Variants in ZNF267 observed in about 807,000 individuals in gnomAD.
The protein encoded by ZNF267 is zinc finger protein 267, also known as zinc finger (C2H2).
Under a neutral mutation model 71.6 loss-of-function variants are expected in ZNF267, and 61 were observed. The ratio of observed to expected loss-of-function variants is 0.85; its 90% CI spans 0.69 to 1.05. ZNF267 has a LOEUF of 1.05. Ranked by LOEUF, ZNF267 falls within the 50% of genes least tolerant of loss-of-function variation. ZNF267 has a pLI of 0.00. For synonymous variants in ZNF267, 288 were observed against 293.2 expected (o/e 0.98, Z 0.18); for missense variants, 852 against 870.0 (o/e 0.98, Z 0.26).
In ZNF267 at chr16:31,914,698, A is replaced by C; in HGVS notation, c.449A>C (p.Gln150Pro). 1 of 1,614,162 alleles carries C rather than the reference A, an allele frequency of 6.2e-7. No individual in the cohort carries two copies. The highest frequency in any genetic ancestry group is 1.1e-5 in the South Asian group (1 of 91,092). The change falls in exon 4 of 4, where the codon CAG (glutamine) becomes CCG (proline). Residue 150 changes from glutamine (Q) to proline (P), a missense_variant. By Grantham distance (76) the Gln-to-Pro change is moderately conservative (BLOSUM62 -1). Coordinates refer to ENST00000300870, the MANE Select transcript of ZNF267 (RefSeq NM_003414.6). ...TCCTCTGTTGAAAGTTTGTTTCACC[A>C]GCAAATACTTTCTTCTTGTGCCAAA... ...DESSVESLFH[Q>P]QILSSCAKSY...
At chr16:31,878,679 A>T (rs1017765879) in intron 1 of ZNF267, among the ~76,000 whole-genome samples, 1 of 152,200 alleles carries the variant, frequency 6.6e-6, no homozygotes, top group Non-Finnish European at 1.5e-5. Context: ...AGCACAAACC[A>T]GTCCTTCCAC....
chr16:31,912,017 T>C lies in ZNF267; in HGVS notation c.227-2459T>C, dbSNP rs1308269244. The C allele has an allele frequency of 3.3e-5, 5 of 151,734 alleles. 1 individual carries two copies. The highest frequency in any genetic ancestry group is 1.2e-4 in the African/African-American group (5 of 41,024). 9.4% of individuals were successfully genotyped at this position (151,734 alleles called of 1,614,324 possible). A position where few individuals can be genotyped will look rare whatever the true frequency, so the allele number is the denominator to read the frequency against. ...GTTCTCTTTATGTCTTATTGTACTG[T>C]CTTTGTCTTGAAACATTGTTGTAGT... On this transcript the variant is annotated intron_variant, in intron 3 of 3. Coordinates refer to ENST00000300870, the MANE Select transcript of ZNF267 (RefSeq NM_003414.6).
At chr16:31,895,533 G>A (rs1185024725) in intron 3 of ZNF267, among the ~76,000 whole-genome samples, 15 of 152,116 alleles carry the variant, frequency 9.9e-5, no homozygotes, top group Admixed American at 9.8e-4. Context: ...ATGATTTTTT[G>A]AGGAATCTTC....
Position 31,915,636 on chromosome 16 carries a change from C to T in ZNF267, c.1387C>T (p.Leu463Phe), listed in dbSNP as rs1183950587. The part of the protein sequence containing the change: ...QHQTTHTGEK[L>F]YKCKVCSKSY... ...TCAGACAACTCATACAGGAGAAAAA[C>T]TTTACAAATGTAAAGTATGTAGCAA... The change falls in exon 4 of 4, where the codon CTT (leucine) becomes TTT (phenylalanine). Residue 463 changes from leucine to phenylalanine, a missense_variant. By Grantham distance (22) the Leu-to-Phe change is conservative (BLOSUM62 0). Transcript: ENST00000300870. The T allele has an allele frequency of 1.9e-6, 3 of 1,613,870 alleles. No individual in the cohort carries two copies. The highest frequency in any genetic ancestry group is 1.7e-6 in the Non-Finnish European group (2 of 1,179,976).
intron 3 of ZNF267, among the ~76,000 whole-genome samples, chr16:31,895,270 A>G (rs1266717532): frequency 6.6e-6 from 1 of 152,222 alleles, no homozygotes; most frequent in African/African-American, 2.4e-5. Context: ...CTCCAAGTCC[A>G]TCCATGTTGT....
chr16:31,900,475 C>T (rs1033402893), intron 3 of ZNF267, among the ~76,000 whole-genome samples: 8 of 152,130 alleles, frequency 5.3e-5, no homozygotes, highest in South Asian at 2.1e-4. Context: ...AACGGAGTCT[C>T]GCTCTGCCAC....
chr16:31,904,237 G>A (rs1200126994), intron 3 of ZNF267, among the ~76,000 whole-genome samples: 1 of 152,224 alleles, frequency 6.6e-6, no homozygotes, highest in East Asian at 1.9e-4. Context: ...TAGGTGTGGT[G>A]TGGTGCTGAA....
At position 31,915,905 on chromosome 16, in the gene ZNF267, A is replaced by G; in HGVS notation, c.1656A>G (p.Glu552=). 3 of 1,613,928 alleles carry G rather than the reference A, an allele frequency of 1.9e-6. No individual in the cohort carries two copies. Among genetic ancestry groups the G allele is most frequent in the Non-Finnish European group, 2.5e-6 (3 of 1,180,002 alleles). Residue 552 remains glutamate (E), a synonymous_variant, in exon 4 of 4, where the codon GAA becomes GAG. Coordinates refer to ENST00000300870, the MANE Select transcript of ZNF267 (RefSeq NM_003414.6). The part of the protein sequence containing the change: ...HTGEKPYKCK[E]CGKAFPYSSH... The stretch of plus-strand genomic sequence containing the variant: ...GAGAGAAACCCTATAAATGTAAAGA[A>G]TGTGGCAAAGCCTTTCCTTATAGTT...
intron 3 of ZNF267, among the ~76,000 whole-genome samples, chr16:31,898,255 G>T (rs186068766): frequency 3.9e-5 from 6 of 151,990 alleles, no homozygotes; most frequent in African/African-American, 1.4e-4. Flanking sequence ...AGTTTTTGAT[G>T]TAATGTATAT....
At position 31,891,954 on chromosome 16, in the gene ZNF267, T is replaced by C. The variant is rs142635278; in HGVS notation, c.226+6698T>C. Among the ~76,000 whole-genome samples, 529 of 152,138 alleles carry C rather than the reference T, an allele frequency of 3.5e-3. 3 individuals are homozygous for C. The highest frequency in any genetic ancestry group is 0.013 in the African/African-American group (524 of 41,498). On this transcript the variant is annotated intron_variant, in intron 3 of 3. Coordinates refer to ENST00000300870, the MANE Select transcript of ZNF267 (RefSeq NM_003414.6). ...GAGGGCTCAGAAGAAGACAGGAAAATGTGGGAAAGTTTGGAACTCCCTAGA... is the reference window on the plus strand; with the variant it reads ...GAGGGCTCAGAAGAAGACAGGAAAACGTGGGAAAGTTTGGAACTCCCTAGA...
In ZNF267 at chr16:31,917,204, A is replaced by C. The variant is rs1339159848; in HGVS notation, c.*723A>C. 1 of 152,110 alleles carries C rather than the reference A, an allele frequency of 6.6e-6. No individual in the cohort carries two copies. Among genetic ancestry groups the C allele is most frequent in the African/African-American group, 2.4e-5 (1 of 41,408 alleles). The allele number at this position is 152,110 out of a possible 1,614,324, so 9.4% of individuals were successfully genotyped here. A position where few individuals can be genotyped will look rare whatever the true frequency, so the allele number is the denominator to read the frequency against. On this transcript the variant is annotated 3_prime_UTR_variant, in exon 4 of 4. Coordinates refer to ENST00000300870, the MANE Select transcript of ZNF267 (RefSeq NM_003414.6). ...AGGTCATTCTACGTTAATATCATTA[A>C]TATCAGCATTTTTCATGGAAGTTTA...
At chr16:31,908,685 T>C (rs1423004104) in intron 3 of ZNF267, among the ~76,000 whole-genome samples, 10 of 152,194 alleles carry the variant, frequency 6.6e-5, no homozygotes, top group Admixed American at 5.2e-4. Context: ...GTCCTTTCTC[T>C]AGTGTATGTT....
In ZNF267 at chr16:31,915,964, G is replaced by A; in HGVS notation, c.1715G>A (p.Gly572Glu). The change falls in exon 4 of 4, where the codon GGA becomes GAA. Residue 572 changes from glycine to glutamate, a missense_variant. By Grantham distance (98) the Gly-to-Glu change is moderately conservative. Coordinates refer to ENST00000300870, the MANE Select transcript of ZNF267 (RefSeq NM_003414.6). Reference protein sequence around the residue: ...HLIRHHRIHTGEKPYKCKACS... With the variant: ...HLIRHHRIHTEEKPYKCKACS... The stretch of plus-strand genomic sequence containing the variant: ...ATTCGACATCATCGAATTCATACTG[G>A]AGAAAAACCATACAAATGTAAAGCA... 1 of 1,612,720 alleles carries A rather than the reference G, an allele frequency of 6.2e-7. No individual in the cohort carries two copies. Among genetic ancestry groups the A allele is most frequent in the Non-Finnish European group, 8.5e-7 (1 of 1,179,048 alleles).
chr16:31,892,897 A>G lies in ZNF267; in HGVS notation c.226+7641A>G, dbSNP rs1223722049. Among the ~76,000 whole-genome samples the G allele has an allele frequency of 2.6e-5, 4 of 152,190 alleles. 1 individual carries two copies. The South Asian group carries it at 6.2e-4, about 24-fold the overall frequency. On this transcript the variant is annotated intron_variant, in intron 3 of 3. Transcript: ENST00000300870. ...GTGTCTGCAGCTTTTTCAGGTGTCC[A>G]GTGCAAGCTGTCAGTGTATCTACTA...
chr16:31,912,517 C>T (rs1053714119), intron 3 of ZNF267: 14 of 151,426 alleles, frequency 9.2e-5, no homozygotes, highest in East Asian at 3.9e-4. Flanking sequence ...TTGAGGTAGT[C>T]GTCTTTGGGT....
intron 3 of ZNF267, among the ~76,000 whole-genome samples, chr16:31,910,755 T>C (rs894107739): frequency 3.3e-5 from 5 of 151,544 alleles, no homozygotes; most frequent in Non-Finnish European, 7.4e-5. Context: ...ATGTTTATTA[T>C]AATTTTTGTT....
intron 3 of ZNF267, among the ~76,000 whole-genome samples, chr16:31,904,829 T>C (rs1321642346): frequency 1.3e-5 from 2 of 152,236 alleles, no homozygotes; most frequent in Non-Finnish European, 2.9e-5. Context: ...CCTGTCATTA[T>C]GATGTTAGCT....
intron 1 of ZNF267, among the ~76,000 whole-genome samples, chr16:31,881,276 C>A (rs541777215): frequency 6.6e-6 from 1 of 152,116 alleles, no homozygotes; most frequent in South Asian, 2.1e-4. Flanking sequence ...AATAAAGCAG[C>A]AATGTAGAGA....
At chr16:31,900,059 TGTA>T (rs2084027441) in intron 3 of ZNF267, among the ~76,000 whole-genome samples, 1 of 151,864 alleles carries the variant, frequency 6.6e-6, no homozygotes, top group Non-Finnish European at 1.5e-5. Flanking sequence ...AAACTGTGTG[TGTA>T]GTGTATTCAT....
Sources: allele counts gnomAD v4.1 joint callset (sites outside exome capture counted in the v4.1 genomes callset), GRCh38; gene constraint gnomAD v4.1.1; transcripts MANE v1.5; gene names NCBI Gene and HGNC (gene_info 2026-07-23, HGNC 2026-07-21).